Variants in SSBP2 observed in about 807,000 individuals in gnomAD.
SSBP2 encodes single stranded DNA binding protein 2.
In SSBP2, 17 loss-of-function variants were observed where a neutral mutation model predicts 61.8. The ratio of observed to expected loss-of-function variants is 0.28; its 90% CI spans 0.19 to 0.41. The LOEUF (loss-of-function observed/expected upper bound fraction) is 0.41. Ranked by LOEUF, SSBP2 falls within the 10% of genes least tolerant of loss-of-function variation. SSBP2 has a pLI of 1.00. For synonymous variants in SSBP2, 139 were observed against 141.3 expected, an observed-to-expected ratio of 0.98 and a Z score of 0.12; for missense variants, 310 against 458.7, an observed-to-expected ratio of 0.68 and a Z score of 2.96.
chr5:81,448,881 AC>A, intron 10 of SSBP2, 56 bp from the exon 11 acceptor site: 1 of 1,276,906 alleles, frequency 7.8e-7, no homozygotes, highest in Non-Finnish European at 1.1e-6. Flanking sequence ...ATGGACACTG[AC>A]CTAAAATGAA....
chr5:81,446,863 A>G lies in SSBP2; in HGVS notation c.778+5T>C. 1 of 1,607,244 alleles carries G rather than the reference A, an allele frequency of 6.2e-7. No homozygotes were observed. Among genetic ancestry groups the G allele is most frequent in the Non-Finnish European group, 8.5e-7 (1 of 1,177,554 alleles). On this transcript the variant is annotated splice_donor_5th_base_variant and intron_variant, in intron 12 of 16. Coordinates refer to ENST00000320672, the MANE Select transcript of SSBP2 (RefSeq NM_012446.5). ...ATGCCCATGTGGCTAGTTTGATTAC[A>G]ATACCTGCTGGACTAGGCATGATGG... is the stretch of plus-strand genomic sequence containing the variant.
At chr5:81,544,258 A>G (rs1170921447) in intron 4 of SSBP2, among the ~76,000 whole-genome samples, 1 of 152,120 alleles carries the variant, frequency 6.6e-6, no homozygotes, top group Non-Finnish European at 1.5e-5. Flanking sequence ...CATCTTGGCC[A>G]GGCTGGTCTT....
At chr5:81,505,961 T>C (rs1324576502) in intron 5 of SSBP2, among the ~76,000 whole-genome samples, 1 of 152,220 alleles carries the variant, frequency 6.6e-6, no homozygotes, top group Non-Finnish European at 1.5e-5. Flanking sequence ...CACTCCCTTC[T>C]TTGCTCTCTG....
chr5:81,645,925 T>C (rs772619535), intron 2 of SSBP2, among the ~76,000 whole-genome samples: 9 of 152,216 alleles, frequency 5.9e-5, no homozygotes, highest in Non-Finnish European at 1.3e-4. Flanking sequence ...TTTATTTCTA[T>C]TGTTAGTCCA....
chr5:81,711,664 T>G (rs1754784205), intron 1 of SSBP2, among the ~76,000 whole-genome samples: 1 of 151,476 alleles, frequency 6.6e-6, no homozygotes, highest in Admixed American at 6.6e-5. Flanking sequence ...TAATAAATTG[T>G]AGTAGACAAA....
intron 4 of SSBP2, among the ~76,000 whole-genome samples, chr5:81,520,947 A>T (rs1176852992): frequency 2.6e-5 from 4 of 152,070 alleles, no homozygotes; most frequent in Admixed American, 1.3e-4. Flanking sequence ...ACTGCCTTGA[A>T]TCTATTTTGT....
At chr5:81,482,669 A>C (rs1436104556) in intron 6 of SSBP2, among the ~76,000 whole-genome samples, 1 of 152,200 alleles carries the variant, frequency 6.6e-6, no homozygotes, top group South Asian at 2.1e-4. Flanking sequence ...GCTTTGGCTT[A>C]AGGGAATATT....
intron 1 of SSBP2, 28 bp from the exon 2 acceptor site, chr5:81,650,367 GA>G: frequency 7.1e-7 from 1 of 1,411,970 alleles, no homozygotes; most frequent in Non-Finnish European, 9.7e-7. Flanking sequence ...TATTTATTGA[GA>G]AGAGGAATAT....
chr5:81,467,446 G>T (rs1764965810), intron 8 of SSBP2, among the ~76,000 whole-genome samples: 1 of 151,740 alleles, frequency 6.6e-6, no homozygotes, highest in Admixed American at 6.6e-5. Context: ...CATAAAGTCC[G>T]AAAAGAAAAC....
intron 4 of SSBP2, among the ~76,000 whole-genome samples, chr5:81,530,763 A>G (rs1770328129): frequency 6.6e-6 from 1 of 152,062 alleles, no homozygotes; most frequent in Non-Finnish European, 1.5e-5. Context: ...TACTACTGGA[A>G]TCTCTTGCAC....
intron 4 of SSBP2, among the ~76,000 whole-genome samples, chr5:81,546,804 G>T (rs556819432): frequency 6.6e-6 from 1 of 151,782 alleles, no homozygotes; most frequent in South Asian, 2.1e-4. Flanking sequence ...TAGAAAAAAT[G>T]ACTTTTCAAA....
In SSBP2 at chr5:81,419,873, C is replaced by A. The variant is rs1053803987; in HGVS notation, c.*631G>T. On this transcript the variant is annotated 3_prime_UTR_variant, in exon 17 of 17. Coordinates refer to ENST00000320672, the MANE Select transcript of SSBP2 (RefSeq NM_012446.5). Reference sequence around the variant, plus strand: ...CAACATAAAGACGAAGACACATTTTCTTCTATTTTTTGAGACAGTACACTT... The same window carrying A: ...CAACATAAAGACGAAGACACATTTTATTCTATTTTTTGAGACAGTACACTT... 4 of 152,162 alleles carry A rather than the reference C, an allele frequency of 2.6e-5. No homozygotes were observed. Among genetic ancestry groups the A allele is most frequent in the Admixed American group, 6.5e-5 (1 of 15,270 alleles). 9.4% of individuals were successfully genotyped at this position (152,162 alleles called of 1,614,324 possible).
At chr5:81,458,033 G>C (rs1764283457) in intron 10 of SSBP2, among the ~76,000 whole-genome samples, 1 of 152,114 alleles carries the variant, frequency 6.6e-6, no homozygotes, top group Admixed American at 6.6e-5. Context: ...GAAGGAAATA[G>C]ATAAAACCAA....
At chr5:81,595,887 CA>C (rs1164859623) in intron 4 of SSBP2, among the ~76,000 whole-genome samples, 31 of 152,174 alleles carry the variant, frequency 2.0e-4, no homozygotes, top group African/African-American at 7.5e-4. Context: ...ACTGAATGGG[CA>C]AAACCCTATC....
chr5:81,509,611 CT>C lies in SSBP2; in HGVS notation c.372+4016del, dbSNP rs200624616. Reference sequence around the variant, plus strand: ...ATATGTCTTTTTTAAATTTTTGGTACTTTGAGTTTTTTAATATTTTAGAGAG... The same window carrying C: ...ATATGTCTTTTTTAAATTTTTGGTACTTGAGTTTTTTAATATTTTAGAGAG... On this transcript the variant is annotated intron_variant, in intron 5 of 16. Transcript: ENST00000320672. 1.9e-3 allele frequency among the ~76,000 whole-genome samples: 283 copies of C among 152,092 alleles called. 3 individuals carry two copies. In the East Asian group the frequency reaches 0.024, roughly 13 times the overall value.
intron 4 of SSBP2, among the ~76,000 whole-genome samples, chr5:81,589,984 C>T (rs1409601891): frequency 1.3e-5 from 2 of 152,124 alleles, no homozygotes; most frequent in Non-Finnish European, 2.9e-5. Flanking sequence ...TCTCCCAACA[C>T]TGTTGCATTG....
intron 1 of SSBP2, among the ~76,000 whole-genome samples, chr5:81,669,068 T>C (rs1001890347): frequency 5.9e-5 from 9 of 152,192 alleles, no homozygotes; most frequent in African/African-American, 2.2e-4. Flanking sequence ...AGCCTGTATG[T>C]TCAACTAAAT....
chr5:81,587,757 G>GCA (rs1158238042), intron 4 of SSBP2, among the ~76,000 whole-genome samples: 3 of 132,668 alleles, frequency 2.3e-5, no homozygotes, highest in Admixed American at 7.8e-5. Flanking sequence ...GCACACACAC[G>GCA]CGCGCGCACA....
chr5:81,720,132 G>T (rs140795195), intron 1 of SSBP2, among the ~76,000 whole-genome samples: 58 of 152,240 alleles, frequency 3.8e-4, no homozygotes, highest in African/African-American at 1.3e-3. Flanking sequence ...ATACAGCTCA[G>T]ATTGTACTTC....
Sources: allele counts gnomAD v4.1 joint callset (sites outside exome capture counted in the v4.1 genomes callset), GRCh38; gene constraint gnomAD v4.1.1; transcripts MANE v1.5; gene names NCBI Gene and HGNC (gene_info 2026-07-23, HGNC 2026-07-21).